CEMIP2: variants seen among roughly 807,000 people sequenced by gnomAD.
CEMIP2 encodes cell surface hyaluronidase CEMIP2.
Under a neutral mutation model 146.9 loss-of-function variants are expected in CEMIP2, and 79 were observed. The ratio of observed to expected loss-of-function variants is 0.54; its 90% CI spans 0.45 to 0.65. The LOEUF (loss-of-function observed/expected upper bound fraction) is 0.65. Ranked by LOEUF, CEMIP2 falls within the 30% of genes least tolerant of loss-of-function variation. The pLI is 0.00. For missense variants in CEMIP2, 1,596 were observed against 1,696.2 expected (o/e 0.94, Z 1.04); for synonymous variants, 601 against 606.3 (o/e 0.99, Z 0.13).
chr9:71,750,164 C>G lies in CEMIP2; in HGVS notation c.210G>C (p.Gln70His), dbSNP rs1343228849. The change falls in exon 2 of 24, where the codon CAG becomes CAC. Residue 70 changes from glutamine to histidine, a missense_variant. Physicochemically the swap from Gln to His is conservative, Grantham distance 24. Transcript: ENST00000377044. ...FAFSPEEQQA[Q>H]RESQKQKRHK... ...GTCTCTTTTGCTTTTGACTTTCTCT[C>G]TGGGCTTGCTGTTCTTCAGGTGAGA... The G allele has an allele frequency of 3.1e-6, 5 of 1,613,924 alleles. No homozygotes were observed. Among genetic ancestry groups the G allele is most frequent in the Non-Finnish European group, 4.2e-6 (5 of 1,180,014 alleles).
chr9:71,756,194 G>C (rs1824437624), intron 1 of CEMIP2, among the ~76,000 whole-genome samples: 1 of 144,318 alleles, frequency 6.9e-6, no homozygotes, highest in Admixed American at 7.0e-5. Flanking sequence ...AAAAATGCTA[G>C]ATAGATAGAT....
intron 19 of CEMIP2, chr9:71,699,435 A>T: frequency 2.3e-6 from 1 of 438,956 alleles, no homozygotes; most frequent in Non-Finnish European, 4.5e-6. Flanking sequence ...TGGGCAACAT[A>T]GGGATACACC....
chr9:71,698,211 AAAACAG>A lies in CEMIP2; in HGVS notation c.3378-13_3378-8del, dbSNP rs772328715. On this transcript the variant is annotated splice_polypyrimidine_tract_variant and splice_region_variant and intron_variant, in intron 19 of 23. Coordinates refer to ENST00000377044, the MANE Select transcript of CEMIP2 (RefSeq NM_013390.3). Reference sequence around the variant, plus strand: ...GAGATACAAAAACAGTAACCTGCACAAAACAGAAACCAATCCATGTAGTTAGACTTA... The same window carrying A: ...GAGATACAAAAACAGTAACCTGCACAAAACCAATCCATGTAGTTAGACTTA... 3 of 1,613,236 alleles carry A rather than the reference AAAACAG, an allele frequency of 1.9e-6. No homozygotes were observed. The highest frequency in any genetic ancestry group is 2.5e-6 in the Non-Finnish European group (3 of 1,179,336).
chr9:71,704,486 A>G, intron 18 of CEMIP2, 109 bp downstream of exon 18: 1 of 1,101,430 alleles, frequency 9.1e-7, no homozygotes. Flanking sequence ...GAAGCAAAGT[A>G]TGTAAAATTG....
chr9:71,729,620 GA>G (rs201829829), intron 10 of CEMIP2, among the ~76,000 whole-genome samples: 2,669 of 129,996 alleles, frequency 0.021, 38 homozygotes, highest in Admixed American at 0.048. Flanking sequence ...TCTGTCTCGA[GA>G]AAAAAAAAAA....
chr9:71,716,487 ATAAG>A (rs769188930), intron 14 of CEMIP2, 26 bp downstream of exon 14: 16 of 1,536,234 alleles, frequency 1.0e-5, no homozygotes, highest in African/African-American at 2.8e-5. Flanking sequence ...AAGCTTTAAA[ATAAG>A]TAAGTATTTT....
At chr9:71,768,034 T>C (rs988608160) in intron 1 of CEMIP2, among the ~76,000 whole-genome samples, 4 of 152,056 alleles carry the variant, frequency 2.6e-5, no homozygotes, top group African/African-American at 9.7e-5. Context: ...ATTGTTCCCT[T>C]CCCCGTAAAC....
chr9:71,743,555 G>A (rs376732163), intron 4 of CEMIP2, among the ~76,000 whole-genome samples: 3 of 152,198 alleles, frequency 2.0e-5, no homozygotes, highest in South Asian at 4.2e-4. Flanking sequence ...TCTTGCCTTT[G>A]GGGAGCCTGT....
At chr9:71,727,291 CATA>C (rs1823414813) in intron 10 of CEMIP2, among the ~76,000 whole-genome samples, 2 of 152,180 alleles carry the variant, frequency 1.3e-5, no homozygotes, top group Non-Finnish European at 2.9e-5. Flanking sequence ...ACTGTTGACG[CATA>C]ATGTTACATA....
intron 3 of CEMIP2, among the ~76,000 whole-genome samples, 164 bp from the exon 4 acceptor site, chr9:71,745,743 C>G (rs867532687): frequency 6.6e-6 from 1 of 152,192 alleles, no homozygotes; most frequent in African/African-American, 2.4e-5. Flanking sequence ...GAGTTCATAT[C>G]TTAATATACT....
At chr9:71,734,437 G>A (rs1370230104) in intron 6 of CEMIP2, among the ~76,000 whole-genome samples, 1 of 152,218 alleles carries the variant, frequency 6.6e-6, no homozygotes, top group East Asian at 1.9e-4. Flanking sequence ...GGGTTGGTAG[G>A]TGCAGCAAAC....
chr9:71,764,926 T>TG (rs1434784004), intron 1 of CEMIP2, among the ~76,000 whole-genome samples: 1 of 151,914 alleles, frequency 6.6e-6, no homozygotes, highest in Non-Finnish European at 1.5e-5. Flanking sequence ...TTCCTTTTTT[T>TG]TTTTTTCCTT....
At chr9:71,707,683 T>C (rs1407934026) in intron 17 of CEMIP2, among the ~76,000 whole-genome samples, 1 of 152,030 alleles carries the variant, frequency 6.6e-6, no homozygotes, top group East Asian at 1.9e-4. Context: ...TGAGCAGAGC[T>C]CAGTAGAGGG....
In CEMIP2 at chr9:71,698,357, C is replaced by G. The variant is rs997680673; in HGVS notation, c.3378-153G>C. On this transcript the variant is annotated intron_variant, in intron 19 of 23. Coordinates refer to ENST00000377044, the MANE Select transcript of CEMIP2 (RefSeq NM_013390.3). ...CAAAATGAATAGTTATTTCTGTTTT[C>G]TTTCTATCCTTCAAGGGTCCTAAGT... The G allele has an allele frequency of 1.1e-5, 7 of 655,052 alleles. No individual in the cohort carries two copies. The African/African-American group carries it at 1.3e-4, about 12-fold the overall frequency. The allele number at this position is 655,052 out of a possible 1,614,324, so 40.6% of individuals were successfully genotyped here.
chr9:71,743,330 GACCTGGGTGGTGGCTAC>G (rs1432208349), intron 4 of CEMIP2, among the ~76,000 whole-genome samples: 1 of 152,146 alleles, frequency 6.6e-6, no homozygotes, highest in Non-Finnish European at 1.5e-5. Context: ...CCTATTTCTT[GACCTGGGTGGTGGCTAC>G]ACAGGCATCA....
intron 13 of CEMIP2, 69 bp downstream of exon 13, chr9:71,717,872 TGCTACTG>T: frequency 7.2e-7 from 1 of 1,385,392 alleles, no homozygotes; most frequent in Non-Finnish European, 9.8e-7. Flanking sequence ...TGTGCTTTCA[TGCTACTG>T]GCTTTAAAAA....
chr9:71,722,106 A>G (rs1252695121), intron 12 of CEMIP2, among the ~76,000 whole-genome samples: 1 of 152,210 alleles, frequency 6.6e-6, no homozygotes, highest in Non-Finnish European at 1.5e-5. Flanking sequence ...TTATTTTTCA[A>G]TGAATCATAC....
At chr9:71,735,579 CAGTT>C (rs1339948138) in intron 5 of CEMIP2, among the ~76,000 whole-genome samples, 2 of 151,968 alleles carry the variant, frequency 1.3e-5, no homozygotes, top group Non-Finnish European at 2.9e-5. Context: ...TTGAGCTCAG[CAGTT>C]CGAGACCAGC....
intron 14 of CEMIP2, among the ~76,000 whole-genome samples, chr9:71,715,813 A>G (rs1185509854): frequency 6.6e-6 from 1 of 151,474 alleles, no homozygotes; most frequent in Non-Finnish European, 1.5e-5. Flanking sequence ...TTTGGTAGAG[A>G]CAGGGTCTTG....
Sources: allele counts gnomAD v4.1 joint callset (sites outside exome capture counted in the v4.1 genomes callset), GRCh38; gene constraint gnomAD v4.1.1; transcripts MANE v1.5; gene names NCBI Gene and HGNC (gene_info 2026-07-23, HGNC 2026-07-21).